Variants in PGM5 observed in about 807,000 individuals in gnomAD.
The protein encoded by PGM5 is phosphoglucomutase-like protein 5.
PGM5 carries 23 observed loss-of-function variants against 59.2 expected under a neutral mutation model. The observed-to-expected ratio is 0.39, with a 90% CI of 0.28 to 0.55. The LOEUF is 0.55. PGM5 is among the 20% of genes least tolerant of loss of function. The pLI is 0.66. For synonymous variants in PGM5, 214 were observed against 286.0 expected, an observed-to-expected ratio of 0.75 and a Z score of 2.54; for missense variants, 574 against 748.3, an observed-to-expected ratio of 0.77 and a Z score of 2.72.
At chr9:68,406,661 T>A (rs1299879344) in intron 6 of PGM5, among the ~76,000 whole-genome samples, 1 of 1,372 alleles carries the variant, frequency 7.3e-4, no homozygotes. Context: ...TTAAATTAGG[T>A]ATATATATAT....
chr9:68,526,510 T>A (rs1236942396), intron 10 of PGM5, among the ~76,000 whole-genome samples: 1 of 152,220 alleles, frequency 6.6e-6, no homozygotes, highest in African/African-American at 2.4e-5. Context: ...TACATTTGTA[T>A]CATAAAACAT....
intron 6 of PGM5, chr9:68,397,464 C>G (rs1822540349): frequency 6.6e-6 from 1 of 152,164 alleles, no homozygotes; most frequent in South Asian, 2.1e-4. Flanking sequence ...TATGTTTTGA[C>G]TATGAAAAAG....
At chr9:68,461,609 A>T (rs1306157643) in intron 6 of PGM5, among the ~76,000 whole-genome samples, 2 of 152,050 alleles carry the variant, frequency 1.3e-5, no homozygotes, top group South Asian at 2.1e-4. Context: ...AGACCCTTAT[A>T]AAAAAAGCCT....
chr9:68,469,767 G>C (rs1823992762), intron 7 of PGM5, among the ~76,000 whole-genome samples: 1 of 152,212 alleles, frequency 6.6e-6, no homozygotes, highest in Non-Finnish European at 1.5e-5. Flanking sequence ...TGGGTGGAAA[G>C]ATAAAAGGAT....
intron 1 of PGM5, among the ~76,000 whole-genome samples, chr9:68,376,605 G>T (rs570972660): frequency 5.9e-5 from 9 of 151,758 alleles, no homozygotes; most frequent in African/African-American, 2.2e-4. Context: ...AGCAATGATG[G>T]TGCCAGGGCA....
At chr9:68,372,778 G>A (rs2131985317) in intron 1 of PGM5, among the ~76,000 whole-genome samples, 1 of 152,232 alleles carries the variant, frequency 6.6e-6, no homozygotes, top group East Asian at 1.9e-4. Context: ...TTTTACACAT[G>A]GCGGATGACA....
intron 6 of PGM5, among the ~76,000 whole-genome samples, chr9:68,422,895 T>TC (rs1554682450): frequency 6.6e-6 from 1 of 152,134 alleles, no homozygotes; most frequent in Admixed American, 6.6e-5. Context: ...TTCCCCCGTG[T>TC]CCCCAAAGTC....
chr9:68,359,042 A>C (rs1206852295), intron 1 of PGM5, among the ~76,000 whole-genome samples: 1 of 152,100 alleles, frequency 6.6e-6, no homozygotes, highest in South Asian at 2.1e-4. Context: ...TCCCGAGCCA[A>C]TTTTTTAGGG....
At chr9:68,507,194 GA>G (rs2132110521) in intron 10 of PGM5, among the ~76,000 whole-genome samples, 1 of 152,316 alleles carries the variant, frequency 6.6e-6, no homozygotes, top group Non-Finnish European at 1.5e-5. Flanking sequence ...GTTGAGAAGA[GA>G]AACACTTGGT....
intron 1 of PGM5, among the ~76,000 whole-genome samples, chr9:68,358,112 T>C (rs1251878970): frequency 6.6e-6 from 1 of 152,184 alleles, no homozygotes; most frequent in Non-Finnish European, 1.5e-5. Flanking sequence ...GAGCTCGCAG[T>C]TCCCAGGGGG....
chr9:68,381,661 A>C (rs202152386), intron 2 of PGM5, among the ~76,000 whole-genome samples: 9 of 139,732 alleles, frequency 6.4e-5, no homozygotes, highest in South Asian at 2.3e-4. Flanking sequence ...CACACACACA[A>C]ACACACACAC....
intron 8 of PGM5, among the ~76,000 whole-genome samples, chr9:68,482,948 A>G (rs1292488940): frequency 6.6e-6 from 1 of 152,180 alleles, no homozygotes; most frequent in African/African-American, 2.4e-5. Context: ...CCATTGTTAC[A>G]TTTAATACGC....
intron 6 of PGM5, among the ~76,000 whole-genome samples, chr9:68,441,272 A>G (rs1205949626): frequency 3.9e-5 from 6 of 152,124 alleles, no homozygotes; most frequent in African/African-American, 1.4e-4. Flanking sequence ...AAAATCCCCA[A>G]CACATTTTAT....
chr9:68,444,870 T>C (rs538405725), intron 6 of PGM5, among the ~76,000 whole-genome samples: 2 of 152,086 alleles, frequency 1.3e-5, no homozygotes, highest in South Asian at 4.2e-4. Context: ...AGGTGGTGGG[T>C]ATTATGGCAG....
chr9:68,367,572 T>C (rs1554676798), intron 1 of PGM5, among the ~76,000 whole-genome samples: 1 of 152,222 alleles, frequency 6.6e-6, no homozygotes, highest in African/African-American at 2.4e-5. Context: ...TTAGGAGGCA[T>C]AATCTTTTTT....
intron 6 of PGM5, among the ~76,000 whole-genome samples, chr9:68,458,180 T>G (rs1440699767): frequency 6.6e-6 from 1 of 152,218 alleles, no homozygotes; most frequent in African/African-American, 2.4e-5. Context: ...TTTTACATTT[T>G]TTTTTTCTTG....
intron 9 of PGM5, among the ~76,000 whole-genome samples, chr9:68,495,242 T>C (rs902487330): frequency 4.6e-5 from 7 of 152,168 alleles, no homozygotes; most frequent in African/African-American, 1.7e-4. Context: ...CATAATGAAG[T>C]TGTTAGAATA....
chr9:68,423,845 C>T lies in PGM5; in HGVS notation c.1043+31372C>T, dbSNP rs541512675. 9.2e-5 allele frequency among the ~76,000 whole-genome samples: 14 copies of T among 152,232 alleles called. 1 individual carries two copies. Among genetic ancestry groups the T allele is most frequent in the African/African-American group, 3.4e-4 (14 of 41,528 alleles). On this transcript the variant is annotated intron_variant, in intron 6 of 10. Transcript: ENST00000396396. ...ACTCCATTCCCTCCCCTCCTTTCCT[C>T]CTTGCAATGGAAGGAGCAGGAAGTG... is the stretch of plus-strand genomic sequence containing the variant.
intron 1 of PGM5, among the ~76,000 whole-genome samples, chr9:68,366,567 T>G: frequency 6.6e-6 from 1 of 152,276 alleles, no homozygotes; most frequent in Non-Finnish European, 1.5e-5. Context: ...GGAGAGTCCC[T>G]TTTCCTATCT....
Sources: allele counts gnomAD v4.1 joint callset (sites outside exome capture counted in the v4.1 genomes callset), GRCh38; gene constraint gnomAD v4.1.1; transcripts MANE v1.5; gene names NCBI Gene and HGNC (gene_info 2026-07-23, HGNC 2026-07-21).